Variants in ADAMTSL1 observed in about 807,000 individuals in gnomAD.
ADAMTSL1 encodes ADAMTS like 1, also known as ADAMTS-like protein 1.
ADAMTSL1 carries 126 observed loss-of-function variants against 201.8 expected under a neutral mutation model. The observed-to-expected ratio is 0.62, with a 90% CI of 0.54 to 0.72. The LOEUF is 0.72. Among genes scored for constraint, ADAMTSL1 ranks in the 30% least tolerant of loss-of-function variants. ADAMTSL1 has a pLI of 0.00. For synonymous variants in ADAMTSL1, 1,121 were observed against 903.4 expected (o/e 1.24, Z -4.32); for missense variants, 2,679 against 2,277.8 (o/e 1.18, Z -3.59).
chr9:18,262,019 A>G (rs147602351), intron 2 of ADAMTSL1, among the ~76,000 whole-genome samples: 131 of 152,344 alleles, frequency 8.6e-4, no homozygotes, highest in Admixed American at 1.8e-3. Context: ...TACAATATGT[A>G]TGGTAACTAG....
chr9:18,493,890 C>T (rs1009639411), intron 1 of ADAMTSL1, among the ~76,000 whole-genome samples: 18 of 152,332 alleles, frequency 1.2e-4, no homozygotes, highest in African/African-American at 3.6e-4. Flanking sequence ...AGACCGATTA[C>T]GTATCTGGTG....
At chr9:18,400,609 C>T (rs150058847) in intron 2 of ADAMTSL1, among the ~76,000 whole-genome samples, 2 of 152,210 alleles carry the variant, frequency 1.3e-5, no homozygotes, top group African/African-American at 4.8e-5. Flanking sequence ...GAATACGTTT[C>T]GAACAGGAGT....
intron 7 of ADAMTSL1, among the ~76,000 whole-genome samples, chr9:18,647,105 G>A (rs902196812): frequency 6.7e-6 from 1 of 149,414 alleles, no homozygotes; most frequent in Non-Finnish European, 1.5e-5. Flanking sequence ...ACTTCTTCCT[G>A]GTTTAGTCTT....
intron 2 of ADAMTSL1, among the ~76,000 whole-genome samples, chr9:18,287,356 C>T (rs1055801804): frequency 2.0e-5 from 3 of 151,694 alleles, no homozygotes; most frequent in Non-Finnish European, 4.4e-5. Flanking sequence ...TATACACATA[C>T]ATACATATAC....
At chr9:18,338,506 G>A (rs1835340327) in intron 2 of ADAMTSL1, among the ~76,000 whole-genome samples, 1 of 151,960 alleles carries the variant, frequency 6.6e-6, no homozygotes, top group African/African-American at 2.4e-5. Flanking sequence ...GAGTGTGGTG[G>A]CATAATCATT....
At position 18,826,088 on chromosome 9, in the gene ADAMTSL1, C is replaced by T. The variant is rs1824536512; in HGVS notation, c.3935-196C>T. ...TCTTGTATCAACATTTATTCTGATT[C>T]TTTGGTCACCCTGAAGTCTATATCC... On this transcript the variant is annotated intron_variant, in intron 21 of 28. Coordinates refer to ENST00000380548, the MANE Select transcript of ADAMTSL1 (RefSeq NM_001040272.6). 3 of 640,690 alleles carry T rather than the reference C, an allele frequency of 4.7e-6. No homozygotes were observed. The African/African-American group carries it at 5.5e-5, about 12-fold the overall frequency. The allele number at this position is 640,690 out of a possible 1,614,324, so 39.7% of individuals were successfully genotyped here. A position where few individuals can be genotyped will look rare whatever the true frequency, so the allele number is the denominator to read the frequency against.
At chr9:18,637,966 C>T (rs537315934) in intron 6 of ADAMTSL1, among the ~76,000 whole-genome samples, 1 of 152,258 alleles carries the variant, frequency 6.6e-6, no homozygotes, top group African/African-American at 2.4e-5. Context: ...AGAAATATTT[C>T]TACAAGTGCC....
In ADAMTSL1 at chr9:18,718,034, A is replaced by G. The variant is rs934532253; in HGVS notation, c.1877-3502A>G. 65 of 1,586,316 alleles carry G rather than the reference A, an allele frequency of 4.1e-5. 3 individuals carry two copies. Among genetic ancestry groups the G allele is most frequent in the Admixed American group, 3.2e-4 (19 of 59,962 alleles). ...CCCAGGCACTGGAGTTTTTCTGTTAATCTGCCGCACTAGGTCATAAAAGAT... is the reference window on the plus strand; with the variant it reads ...CCCAGGCACTGGAGTTTTTCTGTTAGTCTGCCGCACTAGGTCATAAAAGAT... On this transcript the variant is annotated intron_variant, in intron 14 of 28. Transcript: ENST00000380548.
intron 1 of ADAMTSL1, among the ~76,000 whole-genome samples, chr9:18,020,288 T>A (rs1300036928): frequency 6.6e-6 from 1 of 152,070 alleles, no homozygotes; most frequent in Non-Finnish European, 1.5e-5. Flanking sequence ...ATTTAGCGAT[T>A]CAATTTTAAC....
intron 1 of ADAMTSL1, among the ~76,000 whole-genome samples, chr9:18,085,265 C>A (rs1042344604): frequency 2.6e-5 from 4 of 152,070 alleles, no homozygotes; most frequent in Admixed American, 1.3e-4. Context: ...GTTTGGATCC[C>A]AGCTTTGCCA....
chr9:18,156,995 T>A (rs1827184763), intron 1 of ADAMTSL1, among the ~76,000 whole-genome samples: 1 of 152,184 alleles, frequency 6.6e-6, no homozygotes, highest in South Asian at 2.1e-4. Context: ...TATCATCTTA[T>A]ATATGTCAAG....
intron 15 of ADAMTSL1, among the ~76,000 whole-genome samples, chr9:18,735,400 T>C (rs1818444294): frequency 6.6e-6 from 1 of 152,204 alleles, no homozygotes; most frequent in Non-Finnish European, 1.5e-5. Flanking sequence ...AGGCATCCCT[T>C]CATCCCTTGC....
Position 17,907,846 on chromosome 9 carries a change from A to G in ADAMTSL1, c.87+924A>G, listed in dbSNP as rs187280710. Among the ~76,000 whole-genome samples the G allele has an allele frequency of 7.2e-4, 110 of 152,270 alleles. 1 individual carries two copies. Among genetic ancestry groups the G allele is most frequent in the African/African-American group, 2.6e-3 (108 of 41,562 alleles). ...AACCCACGAATTGGGCAGTTTGTAC[A>G]TAATTTAGCCTCCATAGATTTGCCT... On this transcript the variant is annotated intron_variant, in intron 1 of 29. Coordinates refer to the ADAMTSL1 transcript ENST00000680146.
intron 2 of ADAMTSL1, among the ~76,000 whole-genome samples, chr9:18,303,109 G>C (rs897571624): frequency 3.3e-5 from 5 of 152,160 alleles, no homozygotes; most frequent in Non-Finnish European, 5.9e-5. Context: ...GCATTGTCTG[G>C]TTAGTTAGTA....
chr9:18,552,470 G>T (rs1261209587), intron 3 of ADAMTSL1, among the ~76,000 whole-genome samples: 2 of 151,714 alleles, frequency 1.3e-5, no homozygotes, highest in Non-Finnish European at 3.0e-5. Flanking sequence ...AATTTGTTGA[G>T]ATTTTGTTTG....
At position 18,682,276 on chromosome 9, in the gene ADAMTSL1, G is replaced by C. The variant is rs138658770; in HGVS notation, c.1489+317G>C. Among the ~76,000 whole-genome samples, 90 of 152,256 alleles carry C rather than the reference G, an allele frequency of 5.9e-4. 1 individual carries two copies. In the East Asian group the frequency reaches 8.9e-3, roughly 15 times the overall value. On this transcript the variant is annotated intron_variant, in intron 12 of 28. Coordinates refer to ENST00000380548, the MANE Select transcript of ADAMTSL1 (RefSeq NM_001040272.6). ...CCAGATATTCTAGAAATATATGTTTGATTTACTATCCACATTTCTTGCCTT... is the reference window on the plus strand; with the variant it reads ...CCAGATATTCTAGAAATATATGTTTCATTTACTATCCACATTTCTTGCCTT...
At chr9:18,183,544 A>G (rs1180852320) in intron 2 of ADAMTSL1, among the ~76,000 whole-genome samples, 3 of 152,172 alleles carry the variant, frequency 2.0e-5, no homozygotes, top group Admixed American at 6.6e-5. Context: ...ATCCAGTTCA[A>G]AAATGGGCCA....
intron 23 of ADAMTSL1, among the ~76,000 whole-genome samples, chr9:18,860,675 C>A (rs1827158416): frequency 6.6e-6 from 1 of 152,122 alleles, no homozygotes; most frequent in Admixed American, 6.5e-5. Context: ...CCACCCCCAC[C>A]ATCATAATTC....
intron 1 of ADAMTSL1, among the ~76,000 whole-genome samples, chr9:18,086,950 A>AATTTTAAG (rs1823795379): frequency 6.6e-6 from 1 of 152,168 alleles, no homozygotes; most frequent in Non-Finnish European, 1.5e-5. Flanking sequence ...GATTGCTTGA[A>AATTTTAAG]ATTTTAAGAG....
Sources: gnomAD v4.1 joint callset for allele counts (sites outside exome capture counted in the v4.1 genomes callset) on GRCh38, gnomAD v4.1.1 for gene constraint, MANE v1.5 for transcripts, NCBI Gene and HGNC (gene_info 2026-07-23, HGNC 2026-07-21) for gene names.